IQCH: variants seen among roughly 807,000 people sequenced by gnomAD.
IQCH encodes IQ motif containing H, also known as IQ domain-containing protein H.
In IQCH, 98 loss-of-function variants were observed where a neutral mutation model predicts 117.0. That is an observed-to-expected ratio of 0.84 (90% confidence interval 0.71 to 0.99). The LOEUF (loss-of-function observed/expected upper bound fraction) is 0.99. Among genes scored for constraint, IQCH ranks in the 50% least tolerant of loss-of-function variants. The pLI, the probability that IQCH is intolerant of heterozygous loss-of-function variation, is 0.00. For missense variants in IQCH, 1,102 were observed against 1,243.8 expected, an observed-to-expected ratio of 0.89 and a Z score of 1.72; for synonymous variants, 412 against 448.2, an observed-to-expected ratio of 0.92 and a Z score of 1.02.
chr15:67,324,155 G>A (rs1216687416), intron 4 of IQCH, among the ~76,000 whole-genome samples: 3 of 151,464 alleles, frequency 2.0e-5, no homozygotes, highest in Non-Finnish European at 4.4e-5. Context: ...TGTTGGCCAG[G>A]CTGCTGGTCT....
Position 67,456,427 on chromosome 15 carries a change from C to T in IQCH, c.2506-8700C>T, listed in dbSNP as rs1003345976. Among the ~76,000 whole-genome samples the T allele has an allele frequency of 6.6e-6, 1 of 152,156 alleles. No homozygotes were observed. Among genetic ancestry groups the T allele is most frequent in the Non-Finnish European group, 1.5e-5 (1 of 68,022 alleles). On this transcript the variant is annotated intron_variant, in intron 16 of 20. Coordinates refer to ENST00000335894, the MANE Select transcript of IQCH (RefSeq NM_001031715.3). This position sits in a 1 kb window ranked among gnomAD's most constrained non-coding sequence, Gnocchi z 5.1. The stretch of plus-strand genomic sequence containing the variant: ...GTGGGACCTGAGAAGTCATTTCACC[C>T]TCAGAGTCCTCACCCATAAAATGAA...
intron 4 of IQCH, among the ~76,000 whole-genome samples, chr15:67,330,201 T>A (rs914157820): frequency 1.3e-5 from 2 of 152,228 alleles, no homozygotes; most frequent in Non-Finnish European, 2.9e-5. Flanking sequence ...AATTTCTGGA[T>A]GTCAGCCAGC....
rs765891357 is a variant in IQCH at position 67,489,964 on chromosome 15, T to A, written c.2800-39T>A. 4 of 1,352,336 alleles carry A rather than the reference T, an allele frequency of 3.0e-6. No individual in the cohort carries two copies. In the African/African-American group the frequency reaches 5.8e-5, roughly 19 times the overall value. The allele number at this position is 1,352,336 out of a possible 1,614,324, so 83.8% of individuals were successfully genotyped here. ...CATTTTCTGTACTTTGTTTCTGAGA[T>A]AATATACTATTTCTTTTCTCCCCAT... On this transcript the variant is annotated intron_variant, in intron 18 of 20. Coordinates refer to ENST00000335894, the MANE Select transcript of IQCH (RefSeq NM_001031715.3).
In IQCH at chr15:67,416,270, C is replaced by T. The variant is rs992831361; in HGVS notation, c.2098-661C>T. 6.6e-6 allele frequency among the ~76,000 whole-genome samples: 1 copy of T among 152,112 alleles called. No homozygotes were observed. The highest frequency in any genetic ancestry group is 6.5e-5 in the Admixed American group (1 of 15,282). On this transcript the variant is annotated intron_variant, in intron 14 of 20. Coordinates refer to ENST00000335894, the MANE Select transcript of IQCH (RefSeq NM_001031715.3). This position sits in a 1 kb window ranked among gnomAD's most constrained non-coding sequence, Gnocchi z 5.1. Reference sequence around the variant, plus strand: ...CAGTGGCTCATGCCTGTAATCCCAGCACTTTGGGAGGCCGAGGCGGGCGGA... The same window carrying T: ...CAGTGGCTCATGCCTGTAATCCCAGTACTTTGGGAGGCCGAGGCGGGCGGA...
intron 20 of IQCH, among the ~76,000 whole-genome samples, chr15:67,497,779 C>T (rs372047932): frequency 1.3e-5 from 2 of 152,132 alleles, no homozygotes; most frequent in African/African-American, 2.4e-5. Context: ...CGTGAACCAC[C>T]GCGCCTGGCC....
chr15:67,299,077 CCA>C (rs1966892612), intron 4 of IQCH, among the ~76,000 whole-genome samples: 1 of 114,434 alleles, frequency 8.7e-6, no homozygotes. Context: ...ATATATTCAG[CCA>C]AAAAAAAAAA....
At chr15:67,488,361 A>G (rs1596485157) in intron 18 of IQCH, among the ~76,000 whole-genome samples, 1 of 152,310 alleles carries the variant, frequency 6.6e-6, no homozygotes, top group East Asian at 1.9e-4. Context: ...GGCAGATATT[A>G]TAACGGGTTC....
intron 14 of IQCH, among the ~76,000 whole-genome samples, chr15:67,414,884 C>T (rs1428960582): frequency 6.6e-6 from 1 of 151,998 alleles, no homozygotes; most frequent in Non-Finnish European, 1.5e-5. Flanking sequence ...TTAATCAAGG[C>T]AGAACAAAGC....
intron 16 of IQCH, among the ~76,000 whole-genome samples, chr15:67,448,367 C>T (rs2082438597): frequency 7.8e-6 from 1 of 128,326 alleles, no homozygotes; most frequent in African/African-American, 2.9e-5. Context: ...AATGCTATCC[C>T]TCCCCCCGCC....
chr15:67,281,739 T>C (rs1190967226), intron 4 of IQCH: 3 of 454,702 alleles, frequency 6.6e-6, no homozygotes, highest in South Asian at 4.7e-5. Context: ...TTGCTGGCCC[T>C]GTGGCAACTA....
chr15:67,468,708 A>T (rs1183189661), intron 17 of IQCH, among the ~76,000 whole-genome samples: 1 of 152,226 alleles, frequency 6.6e-6, no homozygotes, highest in Non-Finnish European at 1.5e-5. Context: ...TACGCTTGTT[A>T]AACTGCTACT....
At position 67,463,619 on chromosome 15, in the gene IQCH, C is replaced by A. The variant is rs1199300022; in HGVS notation, c.2506-1508C>A. On this transcript the variant is annotated intron_variant, in intron 16 of 20. Transcript: ENST00000335894. This position sits in a 1 kb window ranked among gnomAD's most constrained non-coding sequence, Gnocchi z 4.0. ...TCTGAGATATTTATGATTCACCCAG[C>A]TTCATAAAAACTGCAGGTACTTGAT... 6.6e-6 allele frequency among the ~76,000 whole-genome samples: 1 copy of A among 152,120 alleles called. No individual in the cohort carries two copies. Among genetic ancestry groups the A allele is most frequent in the East Asian group, 1.9e-4 (1 of 5,190 alleles).
intron 4 of IQCH, among the ~76,000 whole-genome samples, chr15:67,313,035 G>A (rs1967675870): frequency 6.6e-6 from 1 of 152,118 alleles, no homozygotes; most frequent in South Asian, 2.1e-4. Context: ...ACTACAGAAT[G>A]TGTAAAGTAA....
In IQCH at chr15:67,467,360, A is replaced by G. The variant is rs1314640243; in HGVS notation, c.2676+2063A>G. ...TGCTTTGAGTGAGAAGCACTCTTCCATTTTCCCCATGTTGCCTATAGGTTT... is the reference window on the plus strand; with the variant it reads ...TGCTTTGAGTGAGAAGCACTCTTCCGTTTTCCCCATGTTGCCTATAGGTTT... On this transcript the variant is annotated intron_variant, in intron 17 of 20. Transcript: ENST00000335894. The surrounding 1 kb of genome is among the most constrained non-coding windows in gnomAD (Gnocchi z 5.7). 6.6e-6 allele frequency among the ~76,000 whole-genome samples: 1 copy of G among 152,180 alleles called. No homozygotes were observed.
rs534862081 is a variant in IQCH, at chr15:67,313,662, A to T, written c.388-23313A>T. Among the ~76,000 whole-genome samples the T allele has an allele frequency of 6.6e-5, 10 of 152,326 alleles. No individual in the cohort carries two copies. The South Asian group carries it at 2.1e-3, about 32-fold the overall frequency. Reference sequence around the variant, plus strand: ...TTTGCCTAATCAAGTTGTAGAAACCAAAAGATGTGGTTGGCTGTGGAGGCC... The same window carrying T: ...TTTGCCTAATCAAGTTGTAGAAACCTAAAGATGTGGTTGGCTGTGGAGGCC... On this transcript the variant is annotated intron_variant, in intron 4 of 20. Transcript: ENST00000335894.
intron 16 of IQCH, among the ~76,000 whole-genome samples, chr15:67,451,334 C>A (rs2082521165): frequency 1.3e-5 from 2 of 151,602 alleles, no homozygotes; most frequent in Admixed American, 6.6e-5. Context: ...AATTTTAGAT[C>A]TTTCCTGCTT....
rs1237433107 is a variant in IQCH, at chr15:67,385,712, A to G, written c.1456+693A>G. ...CGGGTTCCGATTAGGCTCTAAGAAT[A>G]TAGGTTGCAAAAGCTAAGCAATAAC... On this transcript the variant is annotated intron_variant, in intron 11 of 20. Transcript: ENST00000335894. The surrounding 1 kb of genome is among the most constrained non-coding windows in gnomAD (Gnocchi z 4.6). Among the ~76,000 whole-genome samples, 2 of 152,164 alleles carry G rather than the reference A, an allele frequency of 1.3e-5. No individual in the cohort carries two copies. Among genetic ancestry groups the G allele is most frequent in the African/African-American group, 2.4e-5 (1 of 41,426 alleles).
intron 4 of IQCH, among the ~76,000 whole-genome samples, chr15:67,318,256 T>C (rs1967943097): frequency 6.6e-6 from 1 of 152,140 alleles, no homozygotes; most frequent in Admixed American, 6.5e-5. Flanking sequence ...TGTTTCTCTC[T>C]TTCTCTTTCT....
At chr15:67,440,412 C>A (rs1017885507) in intron 16 of IQCH, among the ~76,000 whole-genome samples, 1 of 152,034 alleles carries the variant, frequency 6.6e-6, no homozygotes, top group Non-Finnish European at 1.5e-5. Flanking sequence ...AAGGACACAA[C>A]CAAAAAAGAA....
Sources: allele counts gnomAD v4.1 joint callset (sites outside exome capture counted in the v4.1 genomes callset), GRCh38; gene constraint gnomAD v4.1.1; non-coding constraint Gnocchi (gnomAD v3.1); transcripts MANE v1.5; gene names NCBI Gene and HGNC (gene_info 2026-07-23, HGNC 2026-07-21).